NOL4: variants seen among roughly 807,000 people sequenced by gnomAD.
NOL4 encodes cancer/testis antigen 125.
NOL4 carries 17 observed loss-of-function variants against 75.9 expected under a neutral mutation model. That is an observed-to-expected ratio of 0.22 (90% CI 0.15 to 0.34). The LOEUF (loss-of-function observed/expected upper bound fraction) is 0.34, where lower values mean the gene tolerates loss of function less well. NOL4 is among the 10% of genes least tolerant of loss of function. The pLI is 1.00. For missense variants in NOL4, 614 were observed against 793.5 expected (o/e 0.77, Z 2.72); for synonymous variants, 292 against 289.9 (o/e 1.01, Z -0.07).
At chr18:33,971,234 C>A (rs1488496223) in intron 6 of NOL4, among the ~76,000 whole-genome samples, 1 of 152,166 alleles carries the variant, frequency 6.6e-6, no homozygotes, top group Non-Finnish European at 1.5e-5. Flanking sequence ...ATCCCAAACA[C>A]CTGTGTGGCA....
chr18:33,880,448 T>C (rs145944125), intron 10 of NOL4, among the ~76,000 whole-genome samples: 2 of 152,136 alleles, frequency 1.3e-5, no homozygotes, highest in African/African-American at 4.8e-5. Flanking sequence ...CATAGCTTTA[T>C]ATTATACAGT....
intron 8 of NOL4, among the ~76,000 whole-genome samples, chr18:33,955,318 T>C (rs975995690): frequency 3.3e-5 from 5 of 152,090 alleles, no homozygotes; most frequent in East Asian, 3.8e-4. Context: ...AGGGAAACTA[T>C]GTATTGAAAA....
chr18:33,897,432 C>G (rs1242120269), intron 9 of NOL4, among the ~76,000 whole-genome samples: 3 of 152,078 alleles, frequency 2.0e-5, no homozygotes, highest in African/African-American at 4.8e-5. Flanking sequence ...ATTATGTAGC[C>G]ATAAAAATAG....
In NOL4 at chr18:33,857,560, T is replaced by G. The variant is rs1487492007; in HGVS notation, c.1724-4525A>C. On this transcript the variant is annotated intron_variant, in intron 10 of 10. Coordinates refer to ENST00000261592, the MANE Select transcript of NOL4 (RefSeq NM_003787.5). ...TGATAGTGTCTGAGGGCAGTTCTTATTCAGAAAAAATTTAATATTAGCCCT... is the reference window on the plus strand; with the variant it reads ...TGATAGTGTCTGAGGGCAGTTCTTAGTCAGAAAAAATTTAATATTAGCCCT... Among the ~76,000 whole-genome samples the G allele has an allele frequency of 2.0e-5, 3 of 152,004 alleles. No individual in the cohort carries two copies. The East Asian group carries it at 5.8e-4, about 29-fold the overall frequency.
At chr18:34,176,744 G>C (rs1409063259) in intron 1 of NOL4, among the ~76,000 whole-genome samples, 3 of 152,104 alleles carry the variant, frequency 2.0e-5, no homozygotes, top group African/African-American at 7.2e-5. Context: ...GCTCTCTCTA[G>C]GAGCTGACAA....
At chr18:34,115,889 T>A (rs2079833361) in intron 2 of NOL4, among the ~76,000 whole-genome samples, 1 of 152,134 alleles carries the variant, frequency 6.6e-6, no homozygotes, top group South Asian at 2.1e-4. Flanking sequence ...TATCTACGGT[T>A]GTGGAGTGGG....
intron 6 of NOL4, among the ~76,000 whole-genome samples, chr18:33,968,765 C>T (rs550075941): frequency 6.6e-6 from 1 of 152,074 alleles, no homozygotes; most frequent in East Asian, 1.9e-4. Flanking sequence ...CACATGTACC[C>T]CGGGAATCTA....
intron 5 of NOL4, among the ~76,000 whole-genome samples, chr18:34,022,528 T>C (rs1211781597): frequency 1.3e-5 from 2 of 152,102 alleles, no homozygotes; most frequent in South Asian, 2.1e-4. Context: ...GTTCTTTTTA[T>C]GCCAATTCAA....
chr18:34,065,945 T>C (rs866734941), intron 5 of NOL4, among the ~76,000 whole-genome samples: 84 of 151,974 alleles, frequency 5.5e-4, no homozygotes, highest in African/African-American at 2.0e-3. Context: ...TCTTTGCCAA[T>C]AAATGGCATA....
At chr18:34,216,571 T>C (rs2036903504) in intron 1 of NOL4, among the ~76,000 whole-genome samples, 1 of 150,732 alleles carries the variant, frequency 6.6e-6, no homozygotes, top group Non-Finnish European at 1.5e-5. Context: ...TAATTTAACA[T>C]TAATATCAAC....
In NOL4 at chr18:34,045,013, T is replaced by C. The variant is rs368258594; in HGVS notation, c.773-25412A>G. Among the ~76,000 whole-genome samples the C allele has an allele frequency of 5.7e-4, 87 of 152,330 alleles. 1 individual carries two copies. In the South Asian group the frequency reaches 7.7e-3, roughly 13 times the overall value. On this transcript the variant is annotated intron_variant, in intron 5 of 10. Coordinates refer to ENST00000261592, the MANE Select transcript of NOL4 (RefSeq NM_003787.5). ...GAAATCTTGAACATTAGTATTTTTC[T>C]CTGTCCTTCTTATCATCTATCTTTT...
At chr18:34,037,960 G>A (rs1302646568) in intron 5 of NOL4, among the ~76,000 whole-genome samples, 1 of 152,026 alleles carries the variant, frequency 6.6e-6, no homozygotes, top group Non-Finnish European at 1.5e-5. Context: ...GAAACAATCA[G>A]TTGAATAGGA....
chr18:33,863,608 C>G (rs2063286292), intron 10 of NOL4, among the ~76,000 whole-genome samples: 1 of 152,136 alleles, frequency 6.6e-6, no homozygotes, highest in Admixed American at 6.5e-5. Flanking sequence ...GTCTCACATC[C>G]AGGGCATGCT....
intron 9 of NOL4, among the ~76,000 whole-genome samples, chr18:33,932,296 G>A (rs2067748466): frequency 2.0e-5 from 3 of 151,926 alleles, no homozygotes; most frequent in African/African-American, 7.2e-5. Flanking sequence ...GCATTTCAAG[G>A]TAATTCTTGT....
intron 1 of NOL4, among the ~76,000 whole-genome samples, chr18:34,185,985 T>C (rs1322702252): frequency 6.6e-6 from 1 of 152,210 alleles, no homozygotes; most frequent in East Asian, 1.9e-4. Context: ...TTTTAGTGAT[T>C]AGGTTTAAAA....
At chr18:34,012,708 A>G (rs1196110440) in intron 6 of NOL4, among the ~76,000 whole-genome samples, 2 of 152,022 alleles carry the variant, frequency 1.3e-5, no homozygotes, top group Non-Finnish European at 2.9e-5. Context: ...TTTATGATAG[A>G]GGCATCTGTT....
At chr18:34,099,956 C>T (rs1320881036) in intron 4 of NOL4, among the ~76,000 whole-genome samples, 1 of 151,860 alleles carries the variant, frequency 6.6e-6, no homozygotes, top group East Asian at 1.9e-4. Flanking sequence ...CTGGTCAATT[C>T]ACTCCTCACT....
intron 1 of NOL4, among the ~76,000 whole-genome samples, chr18:34,190,139 C>A (rs554151890): frequency 6.6e-6 from 1 of 151,556 alleles, no homozygotes; most frequent in Non-Finnish European, 1.5e-5. Context: ...AAACGAATTT[C>A]AACATCTCTG....
chr18:34,082,401 T>C (rs2145412693), intron 5 of NOL4, among the ~76,000 whole-genome samples: 1 of 152,280 alleles, frequency 6.6e-6, no homozygotes, highest in Non-Finnish European at 1.5e-5. Context: ...CAAATGGCTC[T>C]AGTAAAAACT....
Sources: allele counts gnomAD v4.1 joint callset (sites outside exome capture counted in the v4.1 genomes callset), GRCh38; gene constraint gnomAD v4.1.1; transcripts MANE v1.5; gene names NCBI Gene and HGNC (gene_info 2026-07-23, HGNC 2026-07-21).